The following ZFHX3 variants were observed in gnomAD, a reference collection of about 807,000 sequenced individuals.
ZFHX3 encodes zinc finger homeobox protein 3.
In ZFHX3, 42 loss-of-function variants were observed where a neutral mutation model predicts 279.1. That is an observed-to-expected ratio of 0.15 (90% CI 0.12 to 0.19). The LOEUF (loss-of-function observed/expected upper bound fraction) is 0.19. ZFHX3 is among the 10% of genes least tolerant of loss of function. The probability of loss-of-function intolerance (pLI) is 1.00; values close to 1 mark genes in which losing one functional copy is unlikely to be tolerated. For missense variants in ZFHX3, 4,981 were observed against 4,754.0 expected (o/e 1.05, Z -1.40); for synonymous variants, 2,293 against 1,957.8 (o/e 1.17, Z -4.52).
chr16:73,650,698 A>G (rs2052662280), intron 2 of ZFHX3, among the ~76,000 whole-genome samples: 1 of 152,174 alleles, frequency 6.6e-6, no homozygotes, highest in Non-Finnish European at 1.5e-5. Flanking sequence ...CGAAACAACA[A>G]TAACAACAAA....
chr16:72,806,777 G>A (rs569559376), intron 7 of ZFHX3, among the ~76,000 whole-genome samples: 1 of 152,210 alleles, frequency 6.6e-6, no homozygotes, highest in African/African-American at 2.4e-5. Context: ...ACAGGGCCAG[G>A]AGCATGGAAG....
At chr16:73,579,870 A>G (rs2051840400) in intron 2 of ZFHX3, among the ~76,000 whole-genome samples, 1 of 146,910 alleles carries the variant, frequency 6.8e-6, no homozygotes, top group Non-Finnish European at 1.5e-5. Context: ...ATATATATAT[A>G]TATACATACA....
intron 4 of ZFHX3, among the ~76,000 whole-genome samples, chr16:72,849,414 G>A (rs1359613287): frequency 1.3e-5 from 2 of 152,176 alleles, no homozygotes; most frequent in African/African-American, 4.8e-5. Context: ...CTGCCAGGAG[G>A]TTGAAATGTG....
chr16:73,216,732 C>T (rs1022434651), intron 5 of ZFHX3, among the ~76,000 whole-genome samples: 4 of 151,776 alleles, frequency 2.6e-5, no homozygotes, highest in Non-Finnish European at 5.9e-5. Flanking sequence ...CACTGCACTC[C>T]AGCCTGGGTG....
chr16:73,371,966 G>A (rs2143341552), intron 3 of ZFHX3, among the ~76,000 whole-genome samples: 1 of 152,300 alleles, frequency 6.6e-6, no homozygotes, highest in South Asian at 2.1e-4. Context: ...AAACATCAGT[G>A]CTGCGTTCAC....
intron 2 of ZFHX3, among the ~76,000 whole-genome samples, chr16:73,457,303 A>G (rs1847618835): frequency 6.6e-6 from 1 of 152,158 alleles, no homozygotes; most frequent in Non-Finnish European, 1.5e-5. Flanking sequence ...AGGAATGGAG[A>G]CCATGAGGTC....
chr16:73,110,803 A>C (rs1966363368), intron 7 of ZFHX3, among the ~76,000 whole-genome samples: 1 of 152,172 alleles, frequency 6.6e-6, no homozygotes, highest in Non-Finnish European at 1.5e-5. Context: ...GGCTCACGTG[A>C]TCTGCCTGCC....
intron 1 of ZFHX3, among the ~76,000 whole-genome samples, chr16:73,879,821 G>C (rs541423562): frequency 6.6e-6 from 1 of 151,512 alleles, no homozygotes; most frequent in Admixed American, 6.6e-5. Context: ...TGCCACTGGC[G>C]CACCCACACA....
chr16:72,928,269 G>A (rs1020022752), intron 3 of ZFHX3, among the ~76,000 whole-genome samples: 6 of 110,544 alleles, frequency 5.4e-5, no homozygotes, highest in African/African-American at 1.0e-4. Context: ...TGGAAAGAGC[G>A]GGTAGGAGGT....
Position 72,959,591 on chromosome 16 carries a change from C to A in ZFHX3, c.555G>T (p.Ser185=). ...PGAGGKQGDP[S]CAAPVYPQII... ...TCTGCGGGTACACGGGTGCAGCACA[C>A]GAAGGGTCCCCTTGCTTGCCCCCCG... The change falls in exon 2 of 10, where the codon TCG becomes TCT. Residue 185 remains serine, a synonymous_variant. Transcript: ENST00000268489. 6.2e-7 allele frequency: 1 copy of A among 1,614,136 alleles called. No homozygotes were observed. The highest frequency in any genetic ancestry group is 8.5e-7 in the Non-Finnish European group (1 of 1,180,028).
chr16:73,382,904 C>A (rs1426303934), intron 3 of ZFHX3, among the ~76,000 whole-genome samples: 1 of 152,164 alleles, frequency 6.6e-6, no homozygotes, highest in Non-Finnish European at 1.5e-5. Context: ...TGCTGTTGCC[C>A]CTCTTGGCTC....
chr16:73,243,159 G>A (rs2013176519), intron 5 of ZFHX3, among the ~76,000 whole-genome samples: 2 of 152,332 alleles, frequency 1.3e-5, no homozygotes, highest in Middle Eastern at 3.4e-3. Flanking sequence ...CCTCTGCTCA[G>A]CTAAGTTGGG....
intron 1 of ZFHX3, among the ~76,000 whole-genome samples, chr16:73,792,575 G>A (rs980872636): frequency 6.6e-6 from 1 of 152,144 alleles, no homozygotes; most frequent in Non-Finnish European, 1.5e-5. Context: ...ATGTTCAGCC[G>A]TCCTGTAAGT....
At chr16:73,108,410 A>G (rs1966331216) in intron 7 of ZFHX3, among the ~76,000 whole-genome samples, 1 of 151,304 alleles carries the variant, frequency 6.6e-6, no homozygotes, top group Non-Finnish European at 1.5e-5. Flanking sequence ...GATGTATATT[A>G]TTTTTTGTTT....
At chr16:73,078,907 G>A (rs1965914169) in intron 8 of ZFHX3, among the ~76,000 whole-genome samples, 1 of 151,382 alleles carries the variant, frequency 6.6e-6, no homozygotes, top group African/African-American at 2.4e-5. Context: ...GCCTCCCAAA[G>A]TGCTGGGATT....
intron 4 of ZFHX3, 66 bp downstream of exon 4, chr16:72,889,665 T>A: frequency 6.7e-7 from 1 of 1,498,954 alleles, no homozygotes; most frequent in African/African-American, 1.4e-5. Context: ...AGAAGTCCTC[T>A]GGAGGTCTCA....
intron 3 of ZFHX3, among the ~76,000 whole-genome samples, chr16:72,935,102 T>G (rs547359908): frequency 6.6e-6 from 1 of 152,382 alleles, no homozygotes; most frequent in East Asian, 1.9e-4. Flanking sequence ...GTCACTCATG[T>G]AAAATGCATT....
intron 3 of ZFHX3, among the ~76,000 whole-genome samples, chr16:73,408,473 T>C (rs2017406973): frequency 6.6e-6 from 1 of 152,174 alleles, no homozygotes; most frequent in South Asian, 2.1e-4. Flanking sequence ...CCCTTCCTTT[T>C]CATCCCCAGT....
intron 1 of ZFHX3, among the ~76,000 whole-genome samples, chr16:73,871,885 G>C (rs1047905029): frequency 7.2e-5 from 11 of 152,186 alleles, no homozygotes; most frequent in Admixed American, 6.6e-4. Flanking sequence ...TTATGGAAAT[G>C]AAACTGGGCT....
Sources: gnomAD v4.1 joint callset for allele counts (sites outside exome capture counted in the v4.1 genomes callset) on GRCh38, gnomAD v4.1.1 for gene constraint, MANE v1.5 for transcripts, NCBI Gene and HGNC (gene_info 2026-07-23, HGNC 2026-07-21) for gene names.